The following MST1 variants were observed in gnomAD, a reference collection of about 807,000 sequenced individuals.
MST1 encodes macrophage stimulating 1, also known as hepatocyte growth factor-like protein.
MST1 carries 76 observed loss-of-function variants against 100.1 expected under a neutral mutation model. The observed-to-expected ratio is 0.76, with a 90% CI of 0.63 to 0.92. The LOEUF is 0.92. Ranked by LOEUF, MST1 falls within the 40% of genes least tolerant of loss-of-function variation. The probability of loss-of-function intolerance (pLI) is 0.00; values close to 1 mark genes in which losing one functional copy is unlikely to be tolerated. For synonymous variants in MST1, 352 were observed against 385.4 expected (o/e 0.91, Z 1.01); for missense variants, 850 against 990.0 (o/e 0.86, Z 1.90).
chr3:49,685,425 T>C, intron 12 of MST1, 43 bp from the exon 13 acceptor site: 5 of 1,613,696 alleles, frequency 3.1e-6, no homozygotes, highest in Non-Finnish European at 4.2e-6. Context: ...ACTGTGTGGA[T>C]GTCGTGGGCT....
Position 49,684,341 on chromosome 3 carries a change from T to C in MST1, c.1989A>G (p.Gly663=). 1 of 1,613,122 alleles carries C rather than the reference T, an allele frequency of 6.2e-7. No individual in the cohort carries two copies. Among genetic ancestry groups the C allele is most frequent in the East Asian group, 2.2e-5 (1 of 44,886 alleles). The change falls in exon 17 of 18, where the codon GGA becomes GGG. Residue 663 remains glycine (G), a synonymous_variant. Coordinates refer to ENST00000449682, the MANE Select transcript of MST1 (RefSeq NM_020998.4). ...CACAGGCCCCCACAGGGGCCAACAGTCCCTCAGTGCACATCTCACTCTCCC... is the reference window on the plus strand; with the variant it reads ...CACAGGCCCCCACAGGGGCCAACAGCCCCTCAGTGCACATCTCACTCTCCC... ...RVRESEMCTE[G]LLAPVGACEG...
At position 49,687,170 on chromosome 3, in the gene MST1, C is replaced by T. The variant is rs562538123; in HGVS notation, c.586G>A (p.Gly196Ser). The T allele has an allele frequency of 7.3e-5, 117 of 1,613,242 alleles. 1 individual carries two copies. In the South Asian group the frequency reaches 1.1e-3, roughly 15 times the overall value. ...TDPAVRFQSCGIKSCREAACV... is the reference protein window; with the variant it reads ...TDPAVRFQSCSIKSCREAACV... ...TTACCCTCCCGGCAGGATTTGATGC[C>T]GCAGCTCTGGAAGCGCACAGCAGGG... The change falls in exon 5 of 18, where the codon GGC (glycine) becomes AGC (serine). Residue 196 changes from glycine (G) to serine (S), a missense_variant. Physicochemically the swap from Gly to Ser is moderately conservative, Grantham distance 56. This residue lies in a region of MST1 where 816 missense variants were observed against 924.6 expected (regional missense o/e 0.88). Coordinates refer to ENST00000449682, the MANE Select transcript of MST1 (RefSeq NM_020998.4).
In MST1 at chr3:49,685,216, C is replaced by G. The variant is rs1230801637; in HGVS notation, c.1544+46G>C. The G allele has an allele frequency of 3.7e-6, 6 of 1,610,520 alleles. No individual in the cohort carries two copies. The Admixed American group carries it at 1.0e-4, about 27-fold the overall frequency. Reference sequence around the variant, plus strand: ...CCCCCAGTGGGATAACCACAGAGGACACAACCTCAGCTCCTCTCTGTGGGA... The same window carrying G: ...CCCCCAGTGGGATAACCACAGAGGAGACAACCTCAGCTCCTCTCTGTGGGA... On this transcript the variant is annotated intron_variant, in intron 13 of 17. Coordinates refer to ENST00000449682, the MANE Select transcript of MST1 (RefSeq NM_020998.4).
In MST1 at chr3:49,688,588, G is replaced by A. The variant is rs1275652757; in HGVS notation, c.94+10C>T. 5.0e-6 allele frequency: 8 copies of A among 1,612,100 alleles called. No individual in the cohort carries two copies. Among genetic ancestry groups the A allele is most frequent in the Non-Finnish European group, 5.9e-6 (7 of 1,179,514 alleles). ...GAAGGCAGATGGGGATCAGGGTTGG[G>A]GGCACTTACCAGGGACCCCTAAGCA... On this transcript the variant is annotated intron_variant, in intron 1 of 17. Transcript: ENST00000449682.
In MST1 at chr3:49,684,497, G is replaced by A. The variant is rs759951907; in HGVS notation, c.1877-44C>T. 8.1e-6 allele frequency: 13 copies of A among 1,613,520 alleles called. No individual in the cohort carries two copies. In the South Asian group the frequency reaches 1.4e-4, roughly 18 times the overall value. On this transcript the variant is annotated intron_variant, in intron 16 of 17. Transcript: ENST00000449682. ...GGAGAGGGAGAGGGTCCTGCAGGAAGATCCAGGGCTGGGCCTCCTGGCCAC... is the reference window on the plus strand; with the variant it reads ...GGAGAGGGAGAGGGTCCTGCAGGAAAATCCAGGGCTGGGCCTCCTGGCCAC...
rs2053472696 is a variant in MST1, at chr3:49,683,957, A to T, written c.*71T>A. The T allele has an allele frequency of 2.5e-6, 4 of 1,572,604 alleles. No individual in the cohort carries two copies. Among genetic ancestry groups the T allele is most frequent in the Non-Finnish European group, 3.4e-6 (4 of 1,160,662 alleles). ...GCTAAGAAGCATCTGTACAGGCATA[A>T]AGAGGAAACATGGCTTTATGTCTGA... On this transcript the variant is annotated 3_prime_UTR_variant, in exon 18 of 18. Transcript: ENST00000449682.
intron 1 of MST1, chr3:49,688,110 A>T: frequency 1.4e-6 from 1 of 710,322 alleles, no homozygotes; most frequent in South Asian, 2.0e-5. Context: ...GGTAGTTATC[A>T]CCGGTGCCTC....
Position 49,687,344 on chromosome 3 carries a change from A to T in MST1, c.470+20T>A, listed in dbSNP as rs377114100. 1.2e-4 allele frequency: 197 copies of T among 1,613,400 alleles called. No homozygotes were observed. The African/African-American group carries it at 2.5e-3, about 20-fold the overall frequency. On this transcript the variant is annotated intron_variant, in intron 4 of 17. Transcript: ENST00000449682. ...GGGGGAAGGCCCCAGGCCGGGACGG[A>T]GGGAAGGTGTTTGTCTCACTTGTGA... is the stretch of plus-strand genomic sequence containing the variant.
In MST1 at chr3:49,683,983, C is replaced by T; in HGVS notation, c.*45G>A. On this transcript the variant is annotated 3_prime_UTR_variant, in exon 18 of 18. Coordinates refer to ENST00000449682, the MANE Select transcript of MST1 (RefSeq NM_020998.4). ...AGAGGAAACATGGCTTTATGTCTGACAAGAAGTTTTGTCCTCCCCAAGGCA... is the reference window on the plus strand; with the variant it reads ...AGAGGAAACATGGCTTTATGTCTGATAAGAAGTTTTGTCCTCCCCAAGGCA... 6.3e-7 allele frequency: 1 copy of T among 1,594,314 alleles called. No homozygotes were observed. The highest frequency in any genetic ancestry group is 8.5e-7 in the Non-Finnish European group (1 of 1,170,810).
In MST1 at chr3:49,687,133, A is replaced by T. The variant is rs751257551; in HGVS notation, c.607+16T>A. On this transcript the variant is annotated intron_variant, in intron 5 of 17. Transcript: ENST00000449682. ...CTTGTCCCTCCACTCTCCCAGCTTG[A>T]CCCGGCGCCGCTTACCCTCCCGGCA... The T allele has an allele frequency of 6.2e-7, 1 of 1,612,844 alleles. No individual in the cohort carries two copies. The highest frequency in any genetic ancestry group is 2.2e-5 in the East Asian group (1 of 44,864).
chr3:49,688,160 AC>A, intron 1 of MST1: 2 of 552,782 alleles, frequency 3.6e-6, no homozygotes, highest in African/African-American at 3.8e-5. Flanking sequence ...TCTAACACAT[AC>A]GCTCTGTGAG....
Position 49,685,596 on chromosome 3 carries a change from C to A in MST1, c.1387G>T (p.Ala463Ser), listed in dbSNP as rs1225484117. ...PFDYCALRRC[A>S]DDQPPSILDP... Reference sequence around the variant, plus strand: ...TGGGGGAAGCGTCACTAGTGCTCACCGCAGCGTCGCAGGGCACAGTAGTCG... The same window carrying A: ...TGGGGGAAGCGTCACTAGTGCTCACAGCAGCGTCGCAGGGCACAGTAGTCG... The change falls in exon 11 of 18, where the codon GCT becomes TCT. Residue 463 changes from alanine (A) to serine (S), a missense_variant and splice_region_variant. Physicochemically the swap from Ala to Ser is moderately conservative, Grantham distance 99 (BLOSUM62 1). Coordinates refer to ENST00000449682, the MANE Select transcript of MST1 (RefSeq NM_020998.4). 1 of 1,613,306 alleles carries A rather than the reference C, an allele frequency of 6.2e-7. No individual in the cohort carries two copies. The highest frequency in any genetic ancestry group is 1.1e-5 in the South Asian group (1 of 91,072).
rs397839869 is a variant in MST1, at chr3:49,684,117, G to A, written c.2089C>T (p.Arg697Ter). Residue 697 changes from arginine to a stop codon, truncating the protein, a stop_gained, in exon 18 of 18, where the codon CGA (arginine) becomes TGA (stop). Transcript: ENST00000449682. LOFTEE classifies it high-confidence loss of function. ...GGCCAGCGGGACCTTGCGCATACTC[G>A]GTTGGGGATTATAATTCCTTCCAGG... is the stretch of plus-strand genomic sequence containing the variant. ...WVLEGIIIPN[R>*]VCARSRWPAV... 3.1e-5 allele frequency: 50 copies of A among 1,613,556 alleles called. No individual in the cohort carries two copies. Among genetic ancestry groups the A allele is most frequent in the Non-Finnish European group, 3.9e-5 (46 of 1,179,870 alleles).
intron 1 of MST1, chr3:49,688,376 G>C: frequency 1.8e-6 from 1 of 558,706 alleles, no homozygotes. Flanking sequence ...GCATCTGTGT[G>C]GTCCTGACAC....
chr3:49,684,775 GC>G lies in MST1; in HGVS notation c.1731del (p.Ser579GlnfsTer14). ...QRVPVAKMVC[G>X]PSGSQLVLLK... ...AGCAGGACAAGCTGGGAGCCTGAGGGCCCACACACCATCTTGGCTACTGGGA... is the reference window on the plus strand; with the variant it reads ...AGCAGGACAAGCTGGGAGCCTGAGGGCCACACACCATCTTGGCTACTGGGA... On this transcript the variant is annotated frameshift_variant, in exon 15 of 18. Coordinates refer to ENST00000449682, the MANE Select transcript of MST1 (RefSeq NM_020998.4). LOFTEE classifies it high-confidence loss of function. The G allele has an allele frequency of 1.2e-6, 2 of 1,613,532 alleles. No homozygotes were observed. Among genetic ancestry groups the G allele is most frequent in the Non-Finnish European group, 1.7e-6 (2 of 1,179,850 alleles).
chr3:49,684,010 A>C lies in MST1; in HGVS notation c.*18T>G. ...AGAAGTTTTGTCCTCCCCAAGGCAT[A>C]TGGCATCAAGGCTGGGCCTAACCCA... On this transcript the variant is annotated 3_prime_UTR_variant, in exon 18 of 18. Coordinates refer to ENST00000449682, the MANE Select transcript of MST1 (RefSeq NM_020998.4). 1 of 1,610,784 alleles carries C rather than the reference A, an allele frequency of 6.2e-7. No individual in the cohort carries two copies. The highest frequency in any genetic ancestry group is 8.5e-7 in the Non-Finnish European group (1 of 1,178,440).
Position 49,684,142 on chromosome 3 carries a change from G to C in MST1, c.2064C>G (p.Val688=). The part of the protein sequence containing the change: ...PLACFTHNCW[V]LEGIIIPNRV... The stretch of plus-strand genomic sequence containing the variant: ...GGTTGGGGATTATAATTCCTTCCAG[G>C]ACCCAGCAGTTGTGGGTAAAGCAGG... Residue 688 remains valine (V), a synonymous_variant, in exon 18 of 18, where the codon GTC becomes GTG. Transcript: ENST00000449682. The C allele has an allele frequency of 3.1e-6, 5 of 1,613,496 alleles. No individual in the cohort carries two copies. The highest frequency in any genetic ancestry group is 4.2e-6 in the Non-Finnish European group (5 of 1,179,860).
Position 49,684,610 on chromosome 3 carries a change from C to T in MST1, c.1816G>A (p.Glu606Lys), listed in dbSNP as rs1559646460. The change falls in exon 16 of 18, where the codon GAA (glutamate) becomes AAA (lysine). Residue 606 changes from glutamate to lysine, a missense_variant. Transcript: ENST00000449682. ...QRVALICLPP[E>K]WYVVPPGTKC... ...GTCCCTGGAGGCACCACATACCATT[C>T]AGGGGGCAGGCAGATCAGGGCCACA... is the stretch of plus-strand genomic sequence containing the variant. The T allele has an allele frequency of 4.3e-6, 7 of 1,613,828 alleles. No homozygotes were observed. Among genetic ancestry groups the T allele is most frequent in the Non-Finnish European group, 5.9e-6 (7 of 1,179,878 alleles).
Position 49,685,006 on chromosome 3 carries a change from G to T in MST1, c.1622+6C>A. The T allele has an allele frequency of 6.2e-7, 1 of 1,612,222 alleles. No individual in the cohort carries two copies. Among genetic ancestry groups the T allele is most frequent in the East Asian group, 2.2e-5 (1 of 44,868 alleles). Reference sequence around the variant, plus strand: ...GACTGGGTCCCCAAACACAAGGGAGGCTCACCAGGAGGAGAAGCACTGCCG... The same window carrying T: ...GACTGGGTCCCCAAACACAAGGGAGTCTCACCAGGAGGAGAAGCACTGCCG... On this transcript the variant is annotated splice_donor_region_variant and intron_variant, in intron 14 of 17. Transcript: ENST00000449682.
Sources: gnomAD v4.1 joint callset for allele counts on GRCh38, gnomAD v4.1.1 for gene constraint, gnomAD v4.1.1 regional missense constraint, MANE v1.5 for transcripts, NCBI Gene and HGNC (gene_info 2026-07-23, HGNC 2026-07-21) for gene names.